Variants in BBS9 observed in about 807,000 individuals in gnomAD.
BBS9 encodes protein PTHB1.
Under a neutral mutation model 117.7 loss-of-function variants are expected in BBS9, and 89 were observed. The ratio of observed to expected loss-of-function variants is 0.76; its 90% CI spans 0.64 to 0.90. BBS9 has a LOEUF of 0.90. Ranked by LOEUF, BBS9 falls within the 40% of genes least tolerant of loss-of-function variation. The pLI, the probability that BBS9 is intolerant of heterozygous loss-of-function variation, is 0.00. For missense variants in BBS9, 982 were observed against 1,042.2 expected (o/e 0.94, Z 0.80); for synonymous variants, 379 against 370.9 (o/e 1.02, Z -0.25).
At chr7:33,130,207 T>A (rs1789369045) in intron 1 of BBS9, among the ~76,000 whole-genome samples, 166 bp downstream of exon 1, 1 of 152,210 alleles carries the variant, frequency 6.6e-6, no homozygotes, top group African/African-American at 2.4e-5. Flanking sequence ...GCACAAAGTG[T>A]ATGAGATTCT....
chr7:33,612,459 A>T (rs777946295), intron 21 of BBS9, among the ~76,000 whole-genome samples: 1 of 152,042 alleles, frequency 6.6e-6, no homozygotes, highest in Admixed American at 6.6e-5. Context: ...TTCTAAAACC[A>T]GTGCCATCTG....
chr7:33,452,982 G>A (rs1838114245), intron 19 of BBS9, among the ~76,000 whole-genome samples: 2 of 152,164 alleles, frequency 1.3e-5, no homozygotes, highest in South Asian at 4.1e-4. Flanking sequence ...ACATGACTGT[G>A]CACTTTATTT....
At position 33,166,263 on chromosome 7, in the gene BBS9, G is replaced by A. The variant is rs149064264; in HGVS notation, c.328+10561G>A. On this transcript the variant is annotated intron_variant, in intron 4 of 22. Coordinates refer to ENST00000242067, the MANE Select transcript of BBS9 (RefSeq NM_198428.3). The stretch of plus-strand genomic sequence containing the variant: ...AGAAGGGCACCCTCCTGTATGAGGT[G>A]TCAGTCAACCCCTACTGGGAGGTAT... Among the ~76,000 whole-genome samples the A allele has an allele frequency of 1.4e-3, 209 of 152,302 alleles. 1 individual carries two copies. The highest frequency in any genetic ancestry group is 2.1e-3 in the Non-Finnish European group (144 of 68,006).
chr7:33,530,603 A>G (rs569533135), intron 20 of BBS9, among the ~76,000 whole-genome samples: 8 of 152,264 alleles, frequency 5.3e-5, no homozygotes, highest in African/African-American at 1.7e-4. Context: ...TTTTGTCTTC[A>G]TTTATCTCTT....
chr7:33,383,515 G>C, intron 17 of BBS9, 151 bp from the exon 18 acceptor site: 1 of 737,784 alleles, frequency 1.4e-6, no homozygotes, highest in Non-Finnish European at 2.2e-6. Flanking sequence ...CAATGAAACA[G>C]TGAAAGTATT....
intron 11 of BBS9, 63 bp downstream of exon 11, chr7:33,341,036 C>A: frequency 1.4e-6 from 2 of 1,399,538 alleles, no homozygotes; most frequent in Non-Finnish European, 2.0e-6. Flanking sequence ...GAATTAGGAC[C>A]AAAATGCATT....
At chr7:33,525,655 A>G (rs1849369480) in intron 20 of BBS9, among the ~76,000 whole-genome samples, 1 of 129,424 alleles carries the variant, frequency 7.7e-6, no homozygotes, top group Non-Finnish European at 1.6e-5. Context: ...TGCACGTGAG[A>G]TGGGTTTCCT....
intron 21 of BBS9, among the ~76,000 whole-genome samples, chr7:33,611,359 T>A (rs1364591825): frequency 1.3e-5 from 2 of 150,694 alleles, no homozygotes; most frequent in African/African-American, 4.9e-5. Context: ...GAGTACTGAT[T>A]AAGCCCAGAC....
intron 21 of BBS9, among the ~76,000 whole-genome samples, chr7:33,617,131 C>A (rs1276613055): frequency 6.6e-6 from 1 of 151,972 alleles, no homozygotes; most frequent in Non-Finnish European, 1.5e-5. Context: ...TGATGGACAA[C>A]TGTGATCAAT....
At chr7:33,601,960 C>G (rs1365119535) in intron 21 of BBS9, among the ~76,000 whole-genome samples, 1 of 152,186 alleles carries the variant, frequency 6.6e-6, no homozygotes, top group Non-Finnish European at 1.5e-5. Context: ...AGTCTAACTT[C>G]AAAATTCCAT....
At chr7:33,585,357 G>A (rs1860714877) in intron 21 of BBS9, among the ~76,000 whole-genome samples, 1 of 152,066 alleles carries the variant, frequency 6.6e-6, no homozygotes, top group Non-Finnish European at 1.5e-5. Context: ...TGCCAGTCTA[G>A]AACTCAGATT....
chr7:33,343,758 C>A (rs1479714624), intron 11 of BBS9, among the ~76,000 whole-genome samples: 1 of 152,122 alleles, frequency 6.6e-6, no homozygotes, highest in African/African-American at 2.4e-5. Flanking sequence ...TTCGGCCTCC[C>A]AAAGTGCTAG....
intron 19 of BBS9, among the ~76,000 whole-genome samples, chr7:33,463,117 TA>T (rs1201199944): frequency 2.0e-5 from 3 of 152,068 alleles, no homozygotes; most frequent in African/African-American, 4.8e-5. Context: ...CAAGACTTTT[TA>T]AAGGGAGTGG....
At chr7:33,245,361 C>T (rs1795173599) in intron 5 of BBS9, among the ~76,000 whole-genome samples, 1 of 152,058 alleles carries the variant, frequency 6.6e-6, no homozygotes. Context: ...TAGTGTTAGG[C>T]ATACAATGAG....
chr7:33,546,078 C>T (rs187838931), intron 21 of BBS9, among the ~76,000 whole-genome samples: 75 of 151,636 alleles, frequency 4.9e-4, no homozygotes, highest in Admixed American at 4.5e-3. Context: ...GGACTACAGG[C>T]GCCTGCCACC....
chr7:33,155,017 T>G (rs909031722), intron 3 of BBS9, among the ~76,000 whole-genome samples: 5 of 152,242 alleles, frequency 3.3e-5, no homozygotes, highest in African/African-American at 1.2e-4. Flanking sequence ...ATCTCTAGAC[T>G]GTGCCATGCT....
chr7:33,556,276 G>A (rs955256995), intron 21 of BBS9, among the ~76,000 whole-genome samples: 1 of 152,162 alleles, frequency 6.6e-6, no homozygotes, highest in Non-Finnish European at 1.5e-5. Flanking sequence ...TCTAATTAAA[G>A]TCATGACATC....
chr7:33,213,687 C>T (rs1387559606), intron 5 of BBS9, among the ~76,000 whole-genome samples: 1 of 152,106 alleles, frequency 6.6e-6, no homozygotes, highest in African/African-American at 2.4e-5. Flanking sequence ...GCTCTTTTAT[C>T]AGCATGTAAT....
intron 5 of BBS9, among the ~76,000 whole-genome samples, chr7:33,246,796 T>C (rs924432850): frequency 2.0e-5 from 3 of 152,102 alleles, no homozygotes; most frequent in Non-Finnish European, 4.4e-5. Context: ...AGAATACGAA[T>C]GTGAATATGT....
Sources: gnomAD v4.1 joint callset for allele counts (sites outside exome capture counted in the v4.1 genomes callset) on GRCh38, gnomAD v4.1.1 for gene constraint, MANE v1.5 for transcripts, NCBI Gene and HGNC (gene_info 2026-07-23, HGNC 2026-07-21) for gene names.